Variants in ZDHHC13 observed in about 807,000 individuals in gnomAD.
ZDHHC13 encodes the protein zDHHC palmitoyltransferase 13.
A neutral mutation model predicts 86.0 loss-of-function variants in ZDHHC13; 85 were observed. The ratio of observed to expected loss-of-function variants is 0.99; its 90% CI spans 0.83 to 1.18. The LOEUF is 1.18. Ranked by LOEUF, ZDHHC13 falls within the 50% of genes most tolerant of loss-of-function variation. The probability of loss-of-function intolerance (pLI) is 0.00; values close to 1 mark genes in which losing one functional copy is unlikely to be tolerated. For synonymous variants in ZDHHC13, 263 were observed against 246.4 expected (o/e 1.07, Z -0.63); for missense variants, 711 against 730.2 (o/e 0.97, Z 0.30).
At position 19,143,900 on chromosome 11, in the gene ZDHHC13, A is replaced by AGT. The variant is rs1279791052; in HGVS notation, c.173+777_173+778insGT. Among the ~76,000 whole-genome samples the AGT allele has an allele frequency of 2.0e-4, 30 of 152,344 alleles. No individual in the cohort carries two copies. In the South Asian group the frequency reaches 2.5e-3, roughly 13 times the overall value. ...ATCCATTTTTGTAGTAATCAAACAT[A>AGT]AATCTGCCCAGCAGATTGCCCATCA... On this transcript the variant is annotated intron_variant, in intron 2 of 16. Coordinates refer to ENST00000446113, the MANE Select transcript of ZDHHC13 (RefSeq NM_019028.3).
At chr11:19,136,035 C>A (rs1334600387) in intron 1 of ZDHHC13, among the ~76,000 whole-genome samples, 1 of 152,216 alleles carries the variant, frequency 6.6e-6, no homozygotes, top group Admixed American at 6.5e-5. Context: ...TCCAAAGGAA[C>A]GCAGTTCCTC....
At chr11:19,163,880 A>G (rs192800652) in intron 11 of ZDHHC13, among the ~76,000 whole-genome samples, 1 of 152,308 alleles carries the variant, frequency 6.6e-6, no homozygotes, top group East Asian at 1.9e-4. Context: ...TAGAAGTTGG[A>G]GAATGTTGTC....
intron 14 of ZDHHC13, chr11:19,167,603 G>C (rs947029581): frequency 1.3e-5 from 2 of 152,058 alleles, no homozygotes; most frequent in African/African-American, 4.8e-5. Context: ...CAGTTACCTT[G>C]TCAGACCCTT....
chr11:19,133,891 T>A (rs143165767), intron 1 of ZDHHC13, among the ~76,000 whole-genome samples: 3,527 of 124,574 alleles, frequency 0.028, 59 homozygotes, highest in Non-Finnish European at 0.04. Context: ...TCATTTTATA[T>A]TTATTCTTTA....
At chr11:19,165,640 C>T (rs1850044127) in intron 13 of ZDHHC13, among the ~76,000 whole-genome samples, 1 of 152,218 alleles carries the variant, frequency 6.6e-6, no homozygotes, top group African/African-American at 2.4e-5. Context: ...GCTTTCTTCC[C>T]TTCTGTAGAA....
intron 1 of ZDHHC13, among the ~76,000 whole-genome samples, chr11:19,119,574 C>A (rs1244579695): frequency 1.3e-5 from 2 of 152,140 alleles, no homozygotes; most frequent in African/African-American, 4.8e-5. Flanking sequence ...ATTCTGTGAC[C>A]CCCGTATTTA....
At chr11:19,133,766 C>A (rs1432769749) in intron 1 of ZDHHC13, among the ~76,000 whole-genome samples, 1 of 151,510 alleles carries the variant, frequency 6.6e-6, no homozygotes, top group East Asian at 1.9e-4. Flanking sequence ...TAACTGAAGT[C>A]AGGAAACTGT....
At chr11:19,140,871 A>G (rs528239967) in intron 1 of ZDHHC13, among the ~76,000 whole-genome samples, 45 of 138,790 alleles carry the variant, frequency 3.2e-4, no homozygotes, top group Non-Finnish European at 5.0e-4. Context: ...AACAATGAGA[A>G]CACATGGACA....
chr11:19,152,614 T>C lies in ZDHHC13; in HGVS notation c.803T>C (p.Met268Thr), dbSNP rs1259966838. Residue 268 changes from methionine to threonine, a missense_variant, in exon 8 of 17, where the codon ATG becomes ACG. Physicochemically the swap from Met to Thr is moderately conservative, Grantham distance 81. Coordinates refer to ENST00000446113, the MANE Select transcript of ZDHHC13 (RefSeq NM_019028.3). ...AACAAAAATCAGCTCATTATTCATA[T>C]GCTAAAAACAGAAGCCAAAATGAGA... ...LQNKNQLIIH[M>T]LKTEAKMRAN... 6.2e-7 allele frequency: 1 copy of C among 1,613,244 alleles called. No individual in the cohort carries two copies. Among genetic ancestry groups the C allele is most frequent in the Non-Finnish European group, 8.5e-7 (1 of 1,179,440 alleles).
intron 1 of ZDHHC13, among the ~76,000 whole-genome samples, chr11:19,133,456 TG>T (rs1849049033): frequency 6.6e-6 from 1 of 152,100 alleles, no homozygotes; most frequent in South Asian, 2.1e-4. Context: ...CATAGCAATA[TG>T]TTTTTTTATA....
At chr11:19,150,966 C>G (rs926004190) in intron 6 of ZDHHC13, among the ~76,000 whole-genome samples, 175 bp downstream of exon 6, 3 of 151,992 alleles carry the variant, frequency 2.0e-5, no homozygotes, top group Non-Finnish European at 4.4e-5. Context: ...AGAAAAGCAG[C>G]CTTGAAATAC....
Position 19,117,253 on chromosome 11 carries a change from G to C in ZDHHC13, c.4G>C (p.Glu2Gln), listed in dbSNP as rs777113502. The change falls in exon 1 of 17, where the codon GAG (glutamate) becomes CAG (glutamine). Residue 2 changes from glutamate (E) to glutamine (Q), a missense_variant. Transcript: ENST00000446113. The surrounding 1 kb of genome is among the most constrained non-coding windows in gnomAD (Gnocchi z 4.2). ...GCCGCTGTGGGCTCCTGGGGAGATG[G>C]AGGGGCCGGGGCTGGGCTCGCAGGT... M[E>Q]GPGLGSQCRN... 2.1e-4 allele frequency: 313 copies of C among 1,511,730 alleles called. 5 individuals carry two copies. In the South Asian group the frequency reaches 3.2e-3, roughly 16 times the overall value. 93.6% of individuals were successfully genotyped at this position (1,511,730 alleles called of 1,614,324 possible). A position where few individuals can be genotyped will look rare whatever the true frequency, so the allele number is the denominator to read the frequency against.
intron 14 of ZDHHC13, chr11:19,169,897 G>T: frequency 2.0e-6 from 2 of 985,746 alleles, no homozygotes; most frequent in Non-Finnish European, 2.4e-6. Flanking sequence ...TTTAGTTATG[G>T]TGTCAGTGCA....
At chr11:19,150,418 TTTAA>T (rs1385919718) in intron 5 of ZDHHC13, among the ~76,000 whole-genome samples, 1 of 152,070 alleles carries the variant, frequency 6.6e-6, no homozygotes, top group Non-Finnish European at 1.5e-5. Context: ...CTAGGTGACT[TTTAA>T]GGTCTCTACC....
intron 15 of ZDHHC13, among the ~76,000 whole-genome samples, chr11:19,170,996 G>A (rs1850207396): frequency 6.6e-6 from 1 of 152,210 alleles, no homozygotes; most frequent in African/African-American, 2.4e-5. Context: ...TTGTGTGTAA[G>A]CATAGTATAA....
chr11:19,172,710 C>A lies in ZDHHC13; in HGVS notation c.1633-13C>A, dbSNP rs1850255903. 6.3e-7 allele frequency: 1 copy of A among 1,579,186 alleles called. No homozygotes were observed. Among genetic ancestry groups the A allele is most frequent in the Non-Finnish European group, 8.6e-7 (1 of 1,162,916 alleles). On this transcript the variant is annotated splice_polypyrimidine_tract_variant and intron_variant, in intron 15 of 16. Transcript: ENST00000446113. Reference sequence around the variant, plus strand: ...ACACTGAATGTGTGCAACCTTCCACCCTTCTTTTTCAGATTGCCTTTCTGG... The same window carrying A: ...ACACTGAATGTGTGCAACCTTCCACACTTCTTTTTCAGATTGCCTTTCTGG...
chr11:19,150,350 C>T (rs1472439268), intron 5 of ZDHHC13, among the ~76,000 whole-genome samples: 1 of 152,062 alleles, frequency 6.6e-6, no homozygotes, highest in Non-Finnish European at 1.5e-5. Flanking sequence ...TGAGTAGGTA[C>T]TGAATGACTT....
intron 1 of ZDHHC13, among the ~76,000 whole-genome samples, chr11:19,132,884 C>A (rs1389651616): frequency 2.6e-5 from 4 of 152,096 alleles, no homozygotes; most frequent in African/African-American, 9.7e-5. Flanking sequence ...AGCAAGAAAG[C>A]AAGAGGTTAA....
chr11:19,138,982 C>T (rs1316610340), intron 1 of ZDHHC13, among the ~76,000 whole-genome samples: 1 of 151,940 alleles, frequency 6.6e-6, no homozygotes. Context: ...AAACTGGAAG[C>T]ATTCCCTTTG....
Sources: allele counts gnomAD v4.1 joint callset (sites outside exome capture counted in the v4.1 genomes callset), GRCh38; gene constraint gnomAD v4.1.1; non-coding constraint Gnocchi (gnomAD v3.1); transcripts MANE v1.5; gene names NCBI Gene and HGNC (gene_info 2026-07-23, HGNC 2026-07-21).